CAPN13: variants seen among roughly 807,000 people sequenced by gnomAD.
CAPN13 encodes the protein calpain 13.
Under a neutral mutation model 98.4 loss-of-function variants are expected in CAPN13, and 90 were observed. The observed-to-expected ratio is 0.92, with a 90% CI of 0.77 to 1.09. The LOEUF is 1.09. CAPN13 is among the 50% of genes least tolerant of loss of function. The pLI is 0.00. For synonymous variants in CAPN13, 330 were observed against 305.5 expected (o/e 1.08, Z -0.84); for missense variants, 887 against 841.3 (o/e 1.05, Z -0.67).
chr2:30,756,715 T>G (rs749558332), intron 8 of CAPN13, among the ~76,000 whole-genome samples: 1 of 152,072 alleles, frequency 6.6e-6, no homozygotes, highest in Non-Finnish European at 1.5e-5. Context: ...TATTAGGATT[T>G]GTATTGGAAA....
chr2:30,773,660 G>A (rs1409057716), intron 4 of CAPN13, among the ~76,000 whole-genome samples: 2 of 152,158 alleles, frequency 1.3e-5, no homozygotes, highest in Admixed American at 6.5e-5. Context: ...TAGCAAGATC[G>A]TAAACCTCTG....
chr2:30,736,111 G>A (rs1361857418), intron 18 of CAPN13, among the ~76,000 whole-genome samples: 1 of 151,998 alleles, frequency 6.6e-6, no homozygotes, highest in Non-Finnish European at 1.5e-5. Flanking sequence ...TAGGAACAAT[G>A]GGGAGGCCAC....
intron 8 of CAPN13, among the ~76,000 whole-genome samples, chr2:30,757,083 G>T (rs910930046): frequency 1.3e-5 from 2 of 152,174 alleles, no homozygotes; most frequent in Non-Finnish European, 2.9e-5. Context: ...TGCTGGGCTC[G>T]TTCCTGTTCC....
chr2:30,806,667 C>G (rs368128530), intron 1 of CAPN13, among the ~76,000 whole-genome samples: 1 of 152,208 alleles, frequency 6.6e-6, no homozygotes. Flanking sequence ...TCCCTGAGAA[C>G]AGCATCACAT....
chr2:30,776,702 G>A (rs10495778), intron 3 of CAPN13, among the ~76,000 whole-genome samples: 13 of 152,174 alleles, frequency 8.5e-5, no homozygotes, highest in South Asian at 2.1e-4. Context: ...CTTGGATGTC[G>A]TTGTAAGCCC....
chr2:30,736,685 G>A, intron 17 of CAPN13, 114 bp from the exon 18 acceptor site: 1 of 923,272 alleles, frequency 1.1e-6, no homozygotes, highest in Non-Finnish European at 1.7e-6. Flanking sequence ...CTGGTCCATT[G>A]TCACCTGGAT....
chr2:30,724,011 T>C (rs183827289), intron 22 of CAPN13, among the ~76,000 whole-genome samples: 3 of 152,356 alleles, frequency 2.0e-5, no homozygotes, highest in Admixed American at 2.0e-4. Flanking sequence ...TTCTAGGTAA[T>C]GTGCTTATGC....
intron 15 of CAPN13, among the ~76,000 whole-genome samples, chr2:30,740,202 C>T (rs1347891846): frequency 6.7e-6 from 1 of 148,936 alleles, no homozygotes; most frequent in Non-Finnish European, 1.5e-5. Context: ...TCAGGCAATT[C>T]GCCTGTCTCA....
At chr2:30,803,132 A>T (rs1675392857) in intron 1 of CAPN13, among the ~76,000 whole-genome samples, 1 of 152,202 alleles carries the variant, frequency 6.6e-6, no homozygotes, top group African/African-American at 2.4e-5. Context: ...TTAATGGTAT[A>T]TGTAGTTCAG....
intron 18 of CAPN13, 32 bp from the exon 19 acceptor site, chr2:30,734,556 T>C (rs542433122): frequency 6.4e-7 from 1 of 1,563,272 alleles, no homozygotes; most frequent in South Asian, 1.1e-5. Context: ...GAAGTCTGTG[T>C]GAAGACTGGG....
chr2:30,776,960 T>C (rs1427892594), intron 3 of CAPN13, among the ~76,000 whole-genome samples: 7 of 152,240 alleles, frequency 4.6e-5, no homozygotes, highest in Non-Finnish European at 1.0e-4. Flanking sequence ...GTACAGGACC[T>C]ATCATCGGCA....
At chr2:30,733,444 C>G (rs1671202862) in intron 19 of CAPN13, among the ~76,000 whole-genome samples, 1 of 151,994 alleles carries the variant, frequency 6.6e-6, no homozygotes. Flanking sequence ...ACTTTTTTCT[C>G]TTTTATTATT....
chr2:30,771,354 A>C (rs901738397), intron 4 of CAPN13, among the ~76,000 whole-genome samples: 1 of 152,212 alleles, frequency 6.6e-6, no homozygotes, highest in Non-Finnish European at 1.5e-5. Context: ...TCGCTTATCC[A>C]CGTGGCCTTT....
At chr2:30,748,640 G>A (rs1672032836) in intron 11 of CAPN13, among the ~76,000 whole-genome samples, 1 of 152,116 alleles carries the variant, frequency 6.6e-6, no homozygotes, top group Non-Finnish European at 1.5e-5. Flanking sequence ...GGGCTTGGTT[G>A]AGGGGATATT....
At chr2:30,765,264 A>C (rs1216565450) in intron 5 of CAPN13, among the ~76,000 whole-genome samples, 1 of 152,190 alleles carries the variant, frequency 6.6e-6, no homozygotes, top group Non-Finnish European at 1.5e-5. Flanking sequence ...CTTGAAATTT[A>C]GGCAGGGCAA....
chr2:30,779,495 G>A (rs1673879230), intron 2 of CAPN13, among the ~76,000 whole-genome samples: 2 of 152,204 alleles, frequency 1.3e-5, no homozygotes, highest in Admixed American at 6.5e-5. Context: ...GCCTTGTAAA[G>A]CTGGACCAGT....
intron 5 of CAPN13, among the ~76,000 whole-genome samples, chr2:30,766,581 C>T (rs1673122668): frequency 6.6e-6 from 1 of 152,218 alleles, no homozygotes; most frequent in African/African-American, 2.4e-5. Flanking sequence ...ACTGTGTTCA[C>T]CGCAGCCACC....
chr2:30,732,566 T>G lies in CAPN13; in HGVS notation c.1799A>C (p.Asp600Ala), dbSNP rs369462045. The G allele has an allele frequency of 6.2e-7, 1 of 1,606,900 alleles. No homozygotes were observed. Among genetic ancestry groups the G allele is most frequent in the Admixed American group, 1.7e-5 (1 of 59,186 alleles). Reference protein sequence around the residue: ...SDLWKAIENTDFLRGIFISRE... With the variant: ...SDLWKAIENTAFLRGIFISRE... ...GCTGATGAAGATCCCTCTGAGGAAG[T>G]CTGGGGCCACAGGTGAACGAGTGAG... Residue 600 changes from aspartate to alanine, a missense_variant and splice_region_variant, in exon 20 of 23, where the codon GAC (aspartate) becomes GCC (alanine). Transcript: ENST00000295055.
intron 22 of CAPN13, among the ~76,000 whole-genome samples, chr2:30,725,885 A>C (rs9679326): frequency 0.39 from 59,512 of 151,950 alleles, 11,740 homozygotes; most frequent in East Asian, 0.51. Context: ...AATATGGGTC[A>C]TGATGTATTA....
Sources: allele counts gnomAD v4.1 joint callset (sites outside exome capture counted in the v4.1 genomes callset), GRCh38; gene constraint gnomAD v4.1.1; transcripts MANE v1.5; gene names NCBI Gene and HGNC (gene_info 2026-07-23, HGNC 2026-07-21).